ADAM32: variants seen among roughly 807,000 people sequenced by gnomAD.
ADAM32 encodes the protein disintegrin and metalloproteinase domain-containing protein 32.
ADAM32 carries 89 observed loss-of-function variants against 114.9 expected under a neutral mutation model. The observed-to-expected ratio is 0.77, with a 90% CI of 0.65 to 0.92. The LOEUF is 0.92. Among genes scored for constraint, ADAM32 ranks in the 40% least tolerant of loss-of-function variants. The pLI is 0.00. For missense variants in ADAM32, 870 were observed against 932.8 expected (o/e 0.93, Z 0.88); for synonymous variants, 285 against 307.5 (o/e 0.93, Z 0.77).
Position 39,211,270 on chromosome 8 carries a change from C to A in ADAM32, c.1179C>A (p.Val393=). 2 of 1,597,890 alleles carry A rather than the reference C, an allele frequency of 1.3e-6. No individual in the cohort carries two copies. The highest frequency in any genetic ancestry group is 2.3e-5 in the East Asian group (1 of 44,034). ...PQMQKKSPKP[V]CGNGRLEGNE... ...TGCAAAAAAAATCTCCGAAACCAGT[C>A]TGTGGCAATGGCAGATTGGAGGGAA... The change falls in exon 12 of 25, where the codon GTC becomes GTA. Residue 393 remains valine, a synonymous_variant. Transcript: ENST00000379907.
At chr8:39,206,638 C>T (rs1054994170) in intron 11 of ADAM32, among the ~76,000 whole-genome samples, 1 of 152,200 alleles carries the variant, frequency 6.6e-6, no homozygotes, top group Admixed American at 6.5e-5. Context: ...TTCCCTTCAT[C>T]CTTGAGGTCA....
intron 10 of ADAM32, among the ~76,000 whole-genome samples, chr8:39,181,786 T>C (rs994433753): frequency 5.3e-5 from 8 of 152,114 alleles, no homozygotes; most frequent in Non-Finnish European, 8.8e-5. Context: ...TCATGAATTG[T>C]TGGAGGTGCT....
chr8:39,107,644 C>T, upstream of ADAM32: 2 of 1,496,028 alleles, frequency 1.3e-6, no homozygotes, highest in East Asian at 2.6e-5. Flanking sequence ...GAGAGCACCC[C>T]GTCTCCGGGG....
At position 39,232,075 on chromosome 8, in the gene ADAM32, C is replaced by A. The variant is rs372106289; in HGVS notation, c.1574C>A (p.Ser525Ter). 5.0e-6 allele frequency: 8 copies of A among 1,612,628 alleles called. No individual in the cohort carries two copies. The highest frequency in any genetic ancestry group is 6.8e-6 in the Non-Finnish European group (8 of 1,179,100). ...TGCTATGAAGAAATACAATCTCAAT[C>A]AGACAGATTTGGGAACTGTGGTAGG... ...FACYEEIQSQ[S>*]DRFGNCGRDR... The change falls in exon 15 of 25, where the codon TCA becomes TAA. Residue 525 changes from serine (S) to a stop codon, truncating the protein, a stop_gained. Coordinates refer to ENST00000379907, the MANE Select transcript of ADAM32 (RefSeq NM_145004.7). LOFTEE classifies it high-confidence loss of function.
chr8:39,127,096 C>T (rs1356575228), intron 2 of ADAM32, among the ~76,000 whole-genome samples: 2 of 152,090 alleles, frequency 1.3e-5, no homozygotes, highest in Non-Finnish European at 2.9e-5. Flanking sequence ...GATTTTTGCA[C>T]TGATTTTCAT....
Position 39,223,085 on chromosome 8 carries a change from T to A in ADAM32, c.1372T>A (p.Cys458Ser), listed in dbSNP as rs1381034020. The stretch of plus-strand genomic sequence containing the variant: ...ATGTAGGCCGAAAGCACATCCTGAA[T>A]GTGACATCGCTGAAAATTGTAATGG... ...VECRPKAHPE[C>S]DIAENCNGTS... The change falls in exon 14 of 25, where the codon TGT (cysteine) becomes AGT (serine). Residue 458 changes from cysteine to serine, a missense_variant. Coordinates refer to ENST00000379907, the MANE Select transcript of ADAM32 (RefSeq NM_145004.7). The A allele has an allele frequency of 6.3e-7, 1 of 1,591,948 alleles. No individual in the cohort carries two copies. The highest frequency in any genetic ancestry group is 1.8e-5 in the Admixed American group (1 of 56,164).
At position 39,169,954 on chromosome 8, in the gene ADAM32, C is replaced by T. The variant is rs1224158416; in HGVS notation, c.872C>T (p.Pro291Leu). Residue 291 changes from proline to leucine, a missense_variant, in exon 10 of 25, where the codon CCT (proline) becomes CTT (leucine). By Grantham distance (98) the Pro-to-Leu change is moderately conservative. Coordinates refer to ENST00000379907, the MANE Select transcript of ADAM32 (RefSeq NM_145004.7). The part of the protein sequence containing the change: ...DYPRYLGAVF[P>L]GTMCITRYSA... The stretch of plus-strand genomic sequence containing the variant: ...CCTCGTTATTTGGGAGCAGTGTTTC[C>T]TGGAACAATGTGTATTACTCGTTAT... The T allele has an allele frequency of 6.2e-7, 1 of 1,601,672 alleles. No homozygotes were observed.
chr8:39,117,179 GC>G (rs1840414460), intron 1 of ADAM32, among the ~76,000 whole-genome samples: 1 of 152,176 alleles, frequency 6.6e-6, no homozygotes, highest in African/African-American at 2.4e-5. Context: ...ACCATGCCCG[GC>G]CCTGTTAAGC....
At chr8:39,239,217 A>C (rs954405551) in intron 16 of ADAM32, among the ~76,000 whole-genome samples, 13 of 152,188 alleles carry the variant, frequency 8.5e-5, no homozygotes, top group African/African-American at 3.1e-4. Flanking sequence ...TTAACAGCAG[A>C]TTTCTCAGCA....
Position 39,226,607 on chromosome 8 carries a change from A to G in ADAM32, c.1525+3369A>G, listed in dbSNP as rs535911947. On this transcript the variant is annotated intron_variant, in intron 14 of 24. Coordinates refer to ENST00000379907, the MANE Select transcript of ADAM32 (RefSeq NM_145004.7). The stretch of plus-strand genomic sequence containing the variant: ...CTCAGCAGATACTTTGTCAGTGAGG[A>G]GAGTGGAATGATATCGTGCTGAAAG... Among the ~76,000 whole-genome samples, 4 of 152,166 alleles carry G rather than the reference A, an allele frequency of 2.6e-5. No homozygotes were observed. The East Asian group carries it at 7.7e-4, about 29-fold the overall frequency.
intron 12 of ADAM32, among the ~76,000 whole-genome samples, chr8:39,216,199 G>A (rs565892670): frequency 7.2e-5 from 11 of 151,896 alleles, no homozygotes; most frequent in African/African-American, 1.2e-4. Context: ...GTGTTTTGTC[G>A]GATATGAGTC....
At chr8:39,151,049 T>C (rs1273943610) in intron 5 of ADAM32, among the ~76,000 whole-genome samples, 1 of 142,044 alleles carries the variant, frequency 7.0e-6, no homozygotes, top group African/African-American at 2.5e-5. Context: ...AGAGAGAAAG[T>C]CATCATGATT....
At chr8:39,273,198 A>G (rs1812841204) in intron 20 of ADAM32, among the ~76,000 whole-genome samples, 1 of 152,098 alleles carries the variant, frequency 6.6e-6, no homozygotes, top group African/African-American at 2.4e-5. Flanking sequence ...AGTACGCTCT[A>G]AAATAATGAT....
intron 1 of ADAM32, among the ~76,000 whole-genome samples, chr8:39,117,706 C>T (rs1840435044): frequency 1.3e-5 from 2 of 151,934 alleles, no homozygotes; most frequent in South Asian, 2.1e-4. Flanking sequence ...GGAAACCCAA[C>T]AATTTCAGTA....
chr8:39,239,520 TA>T (rs1273403823), intron 16 of ADAM32, among the ~76,000 whole-genome samples: 2 of 151,766 alleles, frequency 1.3e-5, no homozygotes, highest in Non-Finnish European at 2.9e-5. Flanking sequence ...AATGAAAAAA[TA>T]ATCAAGATAT....
Position 39,211,136 on chromosome 8 carries a change from A to G in ADAM32, c.1053-8A>G, listed in dbSNP as rs375735529. ...ACTGCCAATGACATTATATGGATTC[A>G]TCTTTAGGCAATCCAATGGTGTGAA... On this transcript the variant is annotated splice_region_variant and splice_polypyrimidine_tract_variant and intron_variant, in intron 11 of 24. Transcript: ENST00000379907. The G allele has an allele frequency of 2.1e-5, 32 of 1,527,292 alleles. No homozygotes were observed. The African/African-American group carries it at 4.0e-4, about 19-fold the overall frequency. 94.6% of individuals were successfully genotyped at this position (1,527,292 alleles called of 1,614,324 possible).
intron 10 of ADAM32, 58 bp downstream of exon 10, chr8:39,170,055 G>A (rs980771892): frequency 2.3e-6 from 3 of 1,296,534 alleles, no homozygotes; most frequent in African/African-American, 1.5e-5. Flanking sequence ...TATTTGACAT[G>A]ATAGTATATA....
intron 11 of ADAM32, among the ~76,000 whole-genome samples, chr8:39,188,246 A>C (rs1027627904): frequency 1.2e-4 from 19 of 152,258 alleles, no homozygotes; most frequent in African/African-American, 4.3e-4. Flanking sequence ...TTAGCTCTGA[A>C]AGGAATGTGT....
At chr8:39,197,930 C>T (rs936288894) in intron 11 of ADAM32, among the ~76,000 whole-genome samples, 10 of 152,140 alleles carry the variant, frequency 6.6e-5, no homozygotes, top group African/African-American at 2.4e-4. Context: ...GAGTCAACAA[C>T]TATTATTGTA....
Sources: gnomAD v4.1 joint callset for allele counts (sites outside exome capture counted in the v4.1 genomes callset) on GRCh38, gnomAD v4.1.1 for gene constraint, MANE v1.5 for transcripts, NCBI Gene and HGNC (gene_info 2026-07-23, HGNC 2026-07-21) for gene names.